MTUS1: variants seen among roughly 807,000 people sequenced by gnomAD.
MTUS1 encodes microtubule associated scaffold protein 1.
MTUS1 carries 109 observed loss-of-function variants against 120.8 expected under a neutral mutation model. The ratio of observed to expected loss-of-function variants is 0.90; its 90% CI spans 0.77 to 1.06. The LOEUF (loss-of-function observed/expected upper bound fraction) is 1.06, where lower values mean the gene tolerates loss of function less well. Among genes scored for constraint, MTUS1 ranks in the 50% least tolerant of loss-of-function variants. The pLI, the probability that MTUS1 is intolerant of heterozygous loss-of-function variation, is 0.00. For synonymous variants in MTUS1, 737 were observed against 550.5 expected, an observed-to-expected ratio of 1.34 and a Z score of -4.74; for missense variants, 2,210 against 1,486.3, an observed-to-expected ratio of 1.49 and a Z score of -8.01.
chr8:17,666,582 T>C (rs993485957), intron 8 of MTUS1, among the ~76,000 whole-genome samples: 14 of 152,156 alleles, frequency 9.2e-5, no homozygotes, highest in African/African-American at 3.4e-4. Context: ...TGGATGATCA[T>C]TAAAAGTGCA....
At chr8:17,648,340 G>A (rs1806266958) in intron 13 of MTUS1, among the ~76,000 whole-genome samples, 1 of 152,120 alleles carries the variant, frequency 6.6e-6, no homozygotes, top group East Asian at 1.9e-4. Context: ...ATACCTCTGG[G>A]GCATGGCAAG....
intron 6 of MTUS1, chr8:17,708,847 T>C (rs116630361): frequency 6.6e-6 from 1 of 152,126 alleles, no homozygotes; most frequent in Non-Finnish European, 1.5e-5. Flanking sequence ...AGGTTACGAA[T>C]TCTGAGATAG....
intron 2 of MTUS1, among the ~76,000 whole-genome samples, chr8:17,751,338 C>G (rs995627997): frequency 5.3e-5 from 8 of 152,204 alleles, no homozygotes; most frequent in Middle Eastern, 3.4e-3. Flanking sequence ...ATGGTCTCTT[C>G]GTCAATCCAG....
intron 1 of MTUS1, among the ~76,000 whole-genome samples, chr8:17,785,374 C>G (rs1226974061): frequency 6.6e-6 from 1 of 152,172 alleles, no homozygotes; most frequent in African/African-American, 2.4e-5. Flanking sequence ...AAAGCTTGAG[C>G]TGAGACTAAG....
At chr8:17,650,182 A>C (rs1806686037) in intron 12 of MTUS1, among the ~76,000 whole-genome samples, 1 of 152,250 alleles carries the variant, frequency 6.6e-6, no homozygotes, top group African/African-American at 2.4e-5. Flanking sequence ...TCAGTAACTT[A>C]ATATGCAAAA....
intron 8 of MTUS1, chr8:17,674,433 AAGAAAC>A: frequency 1.0e-6 from 1 of 980,240 alleles, no homozygotes; most frequent in Non-Finnish European, 1.2e-6. Flanking sequence ...AAAAAAGAAA[AAGAAAC>A]AGAAAAGAGA....
chr8:17,760,508 C>T (rs1442500117), intron 1 of MTUS1, among the ~76,000 whole-genome samples: 1 of 152,066 alleles, frequency 6.6e-6, no homozygotes, highest in Non-Finnish European at 1.5e-5. Context: ...GAAGACAAAG[C>T]CAAGGACAGA....
chr8:17,724,724 A>C (rs2046097948), intron 3 of MTUS1, among the ~76,000 whole-genome samples: 1 of 151,922 alleles, frequency 6.6e-6, no homozygotes. Context: ...TTCGCTCTTA[A>C]CCCTCCTCAT....
Position 17,754,554 on chromosome 8 carries a change from C to T in MTUS1, c.1254G>A (p.Met418Ile), listed in dbSNP as rs1335134641. 1 of 1,614,152 alleles carries T rather than the reference C, an allele frequency of 6.2e-7. No homozygotes were observed. The highest frequency in any genetic ancestry group is 1.1e-5 in the South Asian group (1 of 91,074). ...SFGLTWDAND[M>I]VISTDKTMCM... ...ACATCGTTTTGTCTGTGCTAATGACCATATCATTTGCATCCCAAGTCAGTC... is the reference window on the plus strand; with the variant it reads ...ACATCGTTTTGTCTGTGCTAATGACTATATCATTTGCATCCCAAGTCAGTC... Residue 418 changes from methionine to isoleucine, a missense_variant, in exon 2 of 15, where the codon ATG (methionine) becomes ATA (isoleucine). Met to Ile is a conservative substitution (Grantham distance 10, BLOSUM62 1). Coordinates refer to ENST00000693296, the MANE Select transcript of MTUS1 (RefSeq NM_001363059.2).
rs995031068 is a variant in MTUS1, at chr8:17,781,541, T to C, written c.-155+19520A>G. Among the ~76,000 whole-genome samples the C allele has an allele frequency of 1.1e-4, 17 of 152,346 alleles. No individual in the cohort carries two copies. In the East Asian group the frequency reaches 2.1e-3, roughly 19 times the overall value. ...ACAAGAGTTTCTTACAAATTAGAATTATCCAGAAACATATCCCAGTAAGCC... is the reference window on the plus strand; with the variant it reads ...ACAAGAGTTTCTTACAAATTAGAATCATCCAGAAACATATCCCAGTAAGCC... On this transcript the variant is annotated intron_variant, in intron 1 of 14. Transcript: ENST00000693296.
chr8:17,656,371 T>C (rs910255796), intron 8 of MTUS1, among the ~76,000 whole-genome samples: 1 of 151,768 alleles, frequency 6.6e-6, no homozygotes, highest in Admixed American at 6.6e-5. Flanking sequence ...ATCTTAAAAA[T>C]ACAAAAATTA....
At chr8:17,704,640 G>A (rs923415791) in intron 6 of MTUS1, among the ~76,000 whole-genome samples, 1 of 152,066 alleles carries the variant, frequency 6.6e-6, no homozygotes, top group African/African-American at 2.4e-5. Flanking sequence ...CTATATTTGT[G>A]CCAGTACCAT....
intron 1 of MTUS1, among the ~76,000 whole-genome samples, chr8:17,781,483 G>C (rs144435793): frequency 2.0e-5 from 3 of 152,112 alleles, no homozygotes; most frequent in Admixed American, 1.3e-4. Context: ...TTACTGTTTC[G>C]ATTCCTCTGA....
intron 3 of MTUS1, among the ~76,000 whole-genome samples, chr8:17,733,968 A>G (rs1164504014): frequency 6.6e-6 from 1 of 152,236 alleles, no homozygotes; most frequent in East Asian, 1.9e-4. Context: ...GTGTAACTCT[A>G]TTACATTATA....
In MTUS1 at chr8:17,675,189, G is replaced by A. The variant is rs780760409; in HGVS notation, c.2902C>T (p.Leu968=). The A allele has an allele frequency of 1.2e-6, 2 of 1,614,010 alleles. No homozygotes were observed. Among genetic ancestry groups the A allele is most frequent in the African/African-American group, 2.7e-5 (2 of 75,028 alleles). The change falls in exon 8 of 15, where the codon CTA becomes TTA. Residue 968 remains leucine, a synonymous_variant. Coordinates refer to ENST00000693296, the MANE Select transcript of MTUS1 (RefSeq NM_001363059.2). Reference sequence around the variant, plus strand: ...AACAACAACAAAAAGCTCTTACCTAGCTCTCCCCGGAGGTTAACAAGTTCT... The same window carrying A: ...AACAACAACAAAAAGCTCTTACCTAACTCTCCCCGGAGGTTAACAAGTTCT... ...SQELVNLRGE[L]VTASTTCEKL...
chr8:17,655,472 T>G (rs1048218147), intron 9 of MTUS1, among the ~76,000 whole-genome samples: 1 of 152,078 alleles, frequency 6.6e-6, no homozygotes, highest in African/African-American at 2.4e-5. Flanking sequence ...ACTATTCAAT[T>G]AAAAAGATAC....
rs1287781183 is a variant in MTUS1 at position 17,694,609 on chromosome 8, A to T, written c.2624-10067T>A. ...CTTGAACCTGGGAGGCGGAGGTTGC[A>T]GTGGGCCCAGACAGCACCAGTGCAC... On this transcript the variant is annotated intron_variant, in intron 6 of 14. Coordinates refer to ENST00000693296, the MANE Select transcript of MTUS1 (RefSeq NM_001363059.2). Among the ~76,000 whole-genome samples the T allele has an allele frequency of 2.6e-5, 4 of 152,078 alleles. No individual in the cohort carries two copies. In the South Asian group the frequency reaches 6.2e-4, roughly 24 times the overall value.
chr8:17,776,988 G>C (rs1457087746), intron 1 of MTUS1, among the ~76,000 whole-genome samples: 2 of 152,098 alleles, frequency 1.3e-5, no homozygotes, highest in Non-Finnish European at 2.9e-5. Context: ...GAAAACCTGG[G>C]TGTGGGCTTA....
chr8:17,744,850 G>A (rs1009446399), intron 2 of MTUS1, among the ~76,000 whole-genome samples: 1 of 151,904 alleles, frequency 6.6e-6, no homozygotes, highest in Admixed American at 6.6e-5. Flanking sequence ...TTCTTTCAAC[G>A]AACTGCCAAG....
Sources: gnomAD v4.1 joint callset for allele counts (sites outside exome capture counted in the v4.1 genomes callset) on GRCh38, gnomAD v4.1.1 for gene constraint, MANE v1.5 for transcripts, NCBI Gene and HGNC (gene_info 2026-07-23, HGNC 2026-07-21) for gene names.